MRTFB: variants seen among roughly 807,000 people sequenced by gnomAD.
MRTFB encodes the protein myocardin related transcription factor B.
In MRTFB, 29 loss-of-function variants were observed where a neutral mutation model predicts 104.2. The ratio of observed to expected loss-of-function variants is 0.28; its 90% CI spans 0.21 to 0.38. The LOEUF is 0.38. Among genes scored for constraint, MRTFB ranks in the 10% least tolerant of loss-of-function variants. The probability of loss-of-function intolerance (pLI) is 1.00; values close to 1 mark genes in which losing one functional copy is unlikely to be tolerated. For missense variants in MRTFB, 1,270 were observed against 1,341.6 expected, an observed-to-expected ratio of 0.95 and a Z score of 0.83; for synonymous variants, 535 against 519.5, an observed-to-expected ratio of 1.03 and a Z score of -0.41.
At chr16:14,256,963 G>A (rs1420459337) in intron 15 of MRTFB, among the ~76,000 whole-genome samples, 1 of 152,166 alleles carries the variant, frequency 6.6e-6, no homozygotes, top group Non-Finnish European at 1.5e-5. Context: ...GAAGATAAAT[G>A]GATGGCAGAT....
chr16:14,226,455 G>T (rs1332608441), intron 8 of MRTFB, among the ~76,000 whole-genome samples: 2 of 152,116 alleles, frequency 1.3e-5, no homozygotes, highest in Non-Finnish European at 2.9e-5. Flanking sequence ...TCAACAAATG[G>T]TACTGGGAAA....
chr16:14,096,591 G>C (rs747749945), intron 2 of MRTFB, among the ~76,000 whole-genome samples: 1 of 152,178 alleles, frequency 6.6e-6, no homozygotes. Flanking sequence ...CTGTAAAATA[G>C]CCTACATATT....
At chr16:14,155,073 A>G (rs1322596505) in intron 3 of MRTFB, among the ~76,000 whole-genome samples, 2 of 152,266 alleles carry the variant, frequency 1.3e-5, no homozygotes, top group Non-Finnish European at 2.9e-5. Context: ...TCTATCATCC[A>G]TCATCTTGCT....
In MRTFB at chr16:14,218,994, C is replaced by T. The variant is rs771348036; in HGVS notation, c.689C>T (p.Ala230Val). The T allele has an allele frequency of 2.6e-5, 41 of 1,607,762 alleles. No individual in the cohort carries two copies. Among genetic ancestry groups the T allele is most frequent in the Admixed American group, 2.0e-4 (12 of 59,122 alleles). The change falls in exon 8 of 17, where the codon GCG becomes GTG. Residue 230 changes from alanine (A) to valine (V), a missense_variant. By Grantham distance (64) the Ala-to-Val change is moderately conservative (BLOSUM62 0). This residue lies in a region of MRTFB where 1,144 missense variants were observed against 1,131.5 expected (regional missense o/e 1.01). Transcript: ENST00000571589. The stretch of plus-strand genomic sequence containing the variant: ...TCTCCTGTGACTACAAACACTCCAG[C>T]GCAGGTATTATCTTTCTGGTTTTGA... ...SPSPVTTNTPAQFASVSPTVP... is the reference protein window; with the variant it reads ...SPSPVTTNTPVQFASVSPTVP...
the MRTFB span, among the ~76,000 whole-genome samples, chr16:14,011,219 A>G: frequency 6.6e-6 from 1 of 152,184 alleles, no homozygotes; most frequent in Non-Finnish European, 1.5e-5. Context: ...CCAGAAAGGG[A>G]TGTATTCAGC....
intron 3 of MRTFB, among the ~76,000 whole-genome samples, chr16:14,147,993 G>A (rs1159143122): frequency 1.3e-5 from 2 of 152,168 alleles, no homozygotes; most frequent in Non-Finnish European, 2.9e-5. Context: ...TGAAGTCACA[G>A]AAGTACATTA....
chr16:14,118,740 CAT>C lies in MRTFB; in HGVS notation c.-63-21796_-63-21795del, dbSNP rs776636004. Among the ~76,000 whole-genome samples the C allele has an allele frequency of 4.6e-5, 7 of 151,498 alleles. No individual in the cohort carries two copies. The South Asian group carries it at 1.3e-3, about 27-fold the overall frequency. On this transcript the variant is annotated intron_variant, in intron 2 of 16. Transcript: ENST00000571589. ...AAGTATTTACATATATATATACACA[CAT>C]ATATATACACACACACATATATATA...
In MRTFB at chr16:14,246,851, A is replaced by T. The variant is rs772303773; in HGVS notation, c.1591A>T (p.Thr531Ser). The change falls in exon 12 of 17, where the codon ACC (threonine) becomes TCC (serine). Residue 531 changes from threonine to serine, a missense_variant. Thr to Ser is a moderately conservative substitution (Grantham distance 58). Around this residue, in one of 3 missense-constraint regions of MRTFB, gnomAD observed 1,144 missense variants for 1,131.5 expected, o/e 1.01. Coordinates refer to ENST00000571589, the MANE Select transcript of MRTFB (RefSeq NM_001308142.2). Reference sequence around the variant, plus strand: ...GGCAGACACTTTCACCGAGATTATGACCATGATGTCGCCTTCACAGTTCTT... The same window carrying T: ...GGCAGACACTTTCACCGAGATTATGTCCATGATGTCGCCTTCACAGTTCTT... ...NMADTFTEIMTMMSPSQFLSS... is the reference protein window; with the variant it reads ...NMADTFTEIMSMMSPSQFLSS... 1 of 1,612,994 alleles carries T rather than the reference A, an allele frequency of 6.2e-7. No homozygotes were observed. Among genetic ancestry groups the T allele is most frequent in the Non-Finnish European group, 8.5e-7 (1 of 1,180,036 alleles).
chr16:14,219,270 TAC>T (rs1485080633), intron 8 of MRTFB, among the ~76,000 whole-genome samples: 8 of 152,300 alleles, frequency 5.3e-5, no homozygotes, highest in African/African-American at 1.9e-4. Context: ...GTTCAACAAA[TAC>T]ACATTGAGCA....
the MRTFB span, among the ~76,000 whole-genome samples, chr16:14,029,821 A>G: frequency 1.3e-5 from 2 of 152,120 alleles, no homozygotes; most frequent in African/African-American, 4.8e-5. Context: ...GGAAGTTCCC[A>G]TGGGCAGCAT....
At chr16:14,100,957 C>T (rs1365274699) in intron 2 of MRTFB, among the ~76,000 whole-genome samples, 2 of 152,084 alleles carry the variant, frequency 1.3e-5, no homozygotes, top group African/African-American at 4.8e-5. Context: ...TTTTCCTGAT[C>T]AGTCCAACTG....
At chr16:14,129,748 A>G (rs745765132) in intron 2 of MRTFB, among the ~76,000 whole-genome samples, 2 of 152,170 alleles carry the variant, frequency 1.3e-5, no homozygotes, top group Admixed American at 1.3e-4. Context: ...GTAGATTTTA[A>G]TTGCATTTCC....
intron 2 of MRTFB, among the ~76,000 whole-genome samples, chr16:14,080,106 C>T (rs2034307955): frequency 6.6e-6 from 1 of 152,140 alleles, no homozygotes; most frequent in African/African-American, 2.4e-5. Context: ...CTAGTTTTCC[C>T]TTGTTGATGT....
intron 6 of MRTFB, among the ~76,000 whole-genome samples, chr16:14,215,580 AAGAC>A (rs1335117609): frequency 4.6e-5 from 7 of 152,258 alleles, no homozygotes; most frequent in African/African-American, 1.7e-4. Context: ...AGAGAGGAGA[AAGAC>A]AGAAGTCTGT....
intron 3 of MRTFB, among the ~76,000 whole-genome samples, chr16:14,147,033 T>G (rs1255097992): frequency 1.3e-5 from 2 of 152,224 alleles, no homozygotes; most frequent in African/African-American, 4.8e-5. Context: ...AATGAATAAA[T>G]TTCTCTAAAA....
the MRTFB span, among the ~76,000 whole-genome samples, chr16:14,051,316 C>T: frequency 3.0e-4 from 45 of 151,984 alleles, no homozygotes; most frequent in Non-Finnish European, 4.9e-4. Context: ...CAGACACATA[C>T]ACACATAGAC....
chr16:14,040,891 A>C, the MRTFB span, among the ~76,000 whole-genome samples: 1 of 152,240 alleles, frequency 6.6e-6, no homozygotes, highest in Admixed American at 6.5e-5. Flanking sequence ...AAGGAGGAGA[A>C]TCACTTGAAC....
rs1261814889 is a variant in MRTFB at position 14,140,858 on chromosome 16, A to G, written c.154+98A>G. On this transcript the variant is annotated intron_variant, in intron 3 of 16. Coordinates refer to ENST00000571589, the MANE Select transcript of MRTFB (RefSeq NM_001308142.2). ...TTGGTAGTAATATTTTGGTCAGTTCAGCAGTCTGTCATGGAGGAGAACCCT... is the reference window on the plus strand; with the variant it reads ...TTGGTAGTAATATTTTGGTCAGTTCGGCAGTCTGTCATGGAGGAGAACCCT... 4 of 1,419,682 alleles carry G rather than the reference A, an allele frequency of 2.8e-6. No individual in the cohort carries two copies. In the African/African-American group the frequency reaches 5.6e-5, roughly 20 times the overall value. The allele number at this position is 1,419,682 out of a possible 1,614,324, so 87.9% of individuals were successfully genotyped here. A position where few individuals can be genotyped will look rare whatever the true frequency, so the allele number is the denominator to read the frequency against.
At chr16:14,063,418 C>T in the MRTFB span, among the ~76,000 whole-genome samples, 2 of 152,078 alleles carry the variant, frequency 1.3e-5, no homozygotes, top group Non-Finnish European at 1.5e-5. Flanking sequence ...AATTGCATGT[C>T]GACAGGGTTT....
Sources: allele counts gnomAD v4.1 joint callset (sites outside exome capture counted in the v4.1 genomes callset), GRCh38; gene constraint gnomAD v4.1.1; regional missense constraint gnomAD v4.1.1; transcripts MANE v1.5; gene names NCBI Gene and HGNC (gene_info 2026-07-23, HGNC 2026-07-21).